The following INPP5A variants were observed in gnomAD, a reference collection of about 807,000 sequenced individuals.
INPP5A encodes 43 kDa inositol polyphosphate 5-phophatase.
A neutral mutation model predicts 65.2 loss-of-function variants in INPP5A; 14 were observed. The observed-to-expected ratio is 0.21, with a 90% CI of 0.14 to 0.34. The LOEUF (loss-of-function observed/expected upper bound fraction) is 0.34. Ranked by LOEUF, INPP5A falls within the 10% of genes least tolerant of loss-of-function variation. The pLI is 1.00. For synonymous variants in INPP5A, 207 were observed against 208.3 expected, an observed-to-expected ratio of 0.99 and a Z score of 0.05; for missense variants, 431 against 545.6, an observed-to-expected ratio of 0.79 and a Z score of 2.09.
In INPP5A at chr10:132,653,840, C is replaced by A. The variant is rs1023637267; in HGVS notation, c.306+3335C>A. Among the ~76,000 whole-genome samples the A allele has an allele frequency of 1.4e-4, 21 of 152,112 alleles. 1 individual carries two copies. Among genetic ancestry groups the A allele is most frequent in the African/African-American group, 5.1e-4 (21 of 41,426 alleles). The stretch of plus-strand genomic sequence containing the variant: ...CTTCAGCGCGGGGAGCACGGCGCCC[C>A]CCGTCAAAGGAAAGGTGCCTCTCAG... On this transcript the variant is annotated intron_variant, in intron 4 of 15. Coordinates refer to ENST00000368594, the MANE Select transcript of INPP5A (RefSeq NM_005539.5).
rs1033761668 is a variant in INPP5A at position 132,538,201 on chromosome 10, A to G, written c.75+30A>G. ...GTCCCCCGTGCCGGCGGCAGGCCCCAAGCCCGGAACCCCCGACCCTGACCC... is the reference window on the plus strand; with the variant it reads ...GTCCCCCGTGCCGGCGGCAGGCCCCGAGCCCGGAACCCCCGACCCTGACCC... On this transcript the variant is annotated intron_variant, in intron 1 of 15. Coordinates refer to ENST00000368594, the MANE Select transcript of INPP5A (RefSeq NM_005539.5). This position sits in a 1 kb window ranked among gnomAD's most constrained non-coding sequence, Gnocchi z 4.1. 8.8e-6 allele frequency: 11 copies of G among 1,248,182 alleles called. 1 individual carries two copies. Among genetic ancestry groups the G allele is most frequent in the Middle Eastern group, 4.4e-4 (2 of 4,514 alleles). The allele number at this position is 1,248,182 out of a possible 1,614,324, so 77.3% of individuals were successfully genotyped here.
chr10:132,588,036 A>G (rs2071570020), intron 1 of INPP5A, among the ~76,000 whole-genome samples: 1 of 149,298 alleles, frequency 6.7e-6, no homozygotes. Context: ...AAAAAAAAGG[A>G]TTTGATCCTC....
At chr10:132,761,252 G>C (rs907267669) in intron 11 of INPP5A, among the ~76,000 whole-genome samples, 1 of 152,228 alleles carries the variant, frequency 6.6e-6, no homozygotes, top group African/African-American at 2.4e-5. Flanking sequence ...TGTCATTGAG[G>C]CAGTAACTTG....
chr10:132,780,947 C>T (rs760221819), intron 14 of INPP5A, 30 bp downstream of exon 14: 2 of 838,390 alleles, frequency 2.4e-6, no homozygotes, highest in East Asian at 1.4e-4. Flanking sequence ...AGGGGCCAGG[C>T]TGGGGGACCA....
intron 11 of INPP5A, among the ~76,000 whole-genome samples, chr10:132,761,536 G>A (rs571703323): frequency 6.6e-6 from 1 of 151,760 alleles, no homozygotes; most frequent in African/African-American, 2.4e-5. Context: ...GGGGTGCCAC[G>A]AGGAAGCTTG....
intron 3 of INPP5A, among the ~76,000 whole-genome samples, chr10:132,648,758 T>A (rs534937271): frequency 5.3e-5 from 8 of 152,350 alleles, no homozygotes; most frequent in Middle Eastern, 3.4e-3. Context: ...CTCTCTTAAT[T>A]TTCTTGTATA....
chr10:132,713,775 T>C (rs1266052342), intron 8 of INPP5A, among the ~76,000 whole-genome samples: 1 of 152,188 alleles, frequency 6.6e-6, no homozygotes, highest in Non-Finnish European at 1.5e-5. Flanking sequence ...CGGATATCTC[T>C]GGAGCTGGCA....
At chr10:132,770,160 C>T (rs535042830) in intron 12 of INPP5A, among the ~76,000 whole-genome samples, 6 of 152,288 alleles carry the variant, frequency 3.9e-5, no homozygotes, top group Admixed American at 1.3e-4. Flanking sequence ...CCCTCGTGGC[C>T]TCAGCGTCCC....
At chr10:132,554,250 T>C (rs1007289954) in intron 1 of INPP5A, among the ~76,000 whole-genome samples, 5 of 152,200 alleles carry the variant, frequency 3.3e-5, no homozygotes, top group Admixed American at 2.6e-4. Context: ...GGTAGTGTAC[T>C]GTGCTGCCTG....
intron 9 of INPP5A, among the ~76,000 whole-genome samples, chr10:132,734,569 CTG>C (rs1846143836): frequency 6.6e-6 from 1 of 152,232 alleles, no homozygotes; most frequent in African/African-American, 2.4e-5. Flanking sequence ...CCACTGTTGG[CTG>C]CCTTGTGGGC....
chr10:132,682,653 C>G (rs2073062134), intron 4 of INPP5A, among the ~76,000 whole-genome samples: 1 of 152,234 alleles, frequency 6.6e-6, no homozygotes, highest in Non-Finnish European at 1.5e-5. Flanking sequence ...GGTGACCCAG[C>G]AAGGCCATCT....
At chr10:132,559,293 G>A (rs920288270) in intron 1 of INPP5A, among the ~76,000 whole-genome samples, 1 of 152,212 alleles carries the variant, frequency 6.6e-6, no homozygotes, top group Non-Finnish European at 1.5e-5. Context: ...CCCCATCAGT[G>A]GGGGGTTAGT....
intron 5 of INPP5A, among the ~76,000 whole-genome samples, chr10:132,691,857 A>C (rs889881653): frequency 6.6e-6 from 1 of 150,884 alleles, no homozygotes; most frequent in Non-Finnish European, 1.5e-5. Flanking sequence ...CGGTCGCGGG[A>C]GACGTGTGGT....
intron 1 of INPP5A, among the ~76,000 whole-genome samples, chr10:132,596,115 A>G (rs1268191464): frequency 1.3e-5 from 2 of 152,196 alleles, no homozygotes; most frequent in African/African-American, 4.8e-5. Context: ...TTTTAAAAAT[A>G]ACTACATTAA....
intron 11 of INPP5A, among the ~76,000 whole-genome samples, chr10:132,759,560 G>A (rs778001407): frequency 3.3e-5 from 5 of 152,096 alleles, no homozygotes; most frequent in Non-Finnish European, 7.4e-5. Flanking sequence ...GCCCAGCATC[G>A]GAAGTTCCAG....
intron 9 of INPP5A, among the ~76,000 whole-genome samples, chr10:132,747,907 G>A (rs1221821413): frequency 1.3e-5 from 2 of 152,030 alleles, no homozygotes; most frequent in African/African-American, 4.8e-5. Flanking sequence ...AAATTAGCTG[G>A]GCATGGTGGT....
intron 1 of INPP5A, among the ~76,000 whole-genome samples, chr10:132,597,562 C>T (rs1374567141): frequency 1.3e-5 from 2 of 152,202 alleles, no homozygotes; most frequent in Non-Finnish European, 2.9e-5. Context: ...ATGCATTAGG[C>T]AAGTTAAACA....
intron 9 of INPP5A, among the ~76,000 whole-genome samples, chr10:132,730,309 G>A (rs183957139): frequency 2.8e-4 from 43 of 152,330 alleles, no homozygotes; most frequent in Admixed American, 9.8e-4. Flanking sequence ...CCCCCATCAC[G>A]CTGGTGTCCT....
At chr10:132,700,240 C>T (rs1564970963) in intron 6 of INPP5A, among the ~76,000 whole-genome samples, 1 of 152,244 alleles carries the variant, frequency 6.6e-6, no homozygotes, top group Non-Finnish European at 1.5e-5. Flanking sequence ...TTTGTGTGGA[C>T]CCGTCTCTCC....
Sources: gnomAD v4.1 joint callset for allele counts (sites outside exome capture counted in the v4.1 genomes callset) on GRCh38, gnomAD v4.1.1 for gene constraint, Gnocchi (gnomAD v3.1) non-coding constraint, MANE v1.5 for transcripts, NCBI Gene and HGNC (gene_info 2026-07-23, HGNC 2026-07-21) for gene names.